The following TIMP2 variants were observed in gnomAD, a reference collection of about 807,000 sequenced individuals.
The protein encoded by TIMP2 is TIMP metallopeptidase inhibitor 2, also known as metalloproteinase inhibitor 2.
TIMP2 carries 5 observed loss-of-function variants against 24.3 expected under a neutral mutation model. The observed-to-expected ratio is 0.21, with a 90% CI of 0.11 to 0.43. The LOEUF (loss-of-function observed/expected upper bound fraction) is 0.43, where lower values mean the gene tolerates loss of function less well. Ranked by LOEUF, TIMP2 falls within the 20% of genes least tolerant of loss-of-function variation. The pLI is 1.00. For synonymous variants in TIMP2, 130 were observed against 123.2 expected, an observed-to-expected ratio of 1.06 and a Z score of -0.37; for missense variants, 221 against 297.5, an observed-to-expected ratio of 0.74 and a Z score of 1.89.
intron 1 of TIMP2, among the ~76,000 whole-genome samples, chr17:78,913,057 T>C (rs980798557): frequency 2.6e-5 from 4 of 151,834 alleles, no homozygotes; most frequent in Non-Finnish European, 4.4e-5. Flanking sequence ...ATACAAAAAT[T>C]AGCCGGGTGT....
Position 78,854,931 on chromosome 17 carries a change from G to T in TIMP2, c.*736C>A, listed in dbSNP as rs1241170690. The T allele has an allele frequency of 3.9e-5, 5 of 129,154 alleles. No individual in the cohort carries two copies. Among genetic ancestry groups the T allele is most frequent in the African/African-American group, 1.1e-4 (4 of 36,274 alleles). 8.0% of individuals were successfully genotyped at this position (129,154 alleles called of 1,614,324 possible). ...TGGGGAGCATGTGGGCGGGGGGGGG[G>T]GGGTGGGGGGGTGGGTGCAGACCAA... On this transcript the variant is annotated 3_prime_UTR_variant, in exon 5 of 5. Coordinates refer to ENST00000262768, the MANE Select transcript of TIMP2 (RefSeq NM_003255.5).
chr17:78,874,137 G>C, intron 1 of TIMP2: 1 of 514,984 alleles, frequency 1.9e-6, no homozygotes, highest in Non-Finnish European at 3.4e-6. Flanking sequence ...CTCCTTCCAC[G>C]ATTCTTCAAC....
At chr17:78,901,876 G>A in intron 1 of TIMP2, 3 of 676,906 alleles carry the variant, frequency 4.4e-6, no homozygotes, top group Non-Finnish European at 8.3e-6. Flanking sequence ...CTGTCTCCAG[G>A]GCTGTCTTGA....
rs891723440 is a variant in TIMP2, at chr17:78,924,428, T to C, written c.130+531A>G. Reference sequence around the variant, plus strand: ...CCCCTCTGGGCCTGTGGAACCTGCCTCGGGTAGGGCGGGCTTCCATCCCAC... The same window carrying C: ...CCCCTCTGGGCCTGTGGAACCTGCCCCGGGTAGGGCGGGCTTCCATCCCAC... On this transcript the variant is annotated intron_variant, in intron 1 of 4. Coordinates refer to ENST00000262768, the MANE Select transcript of TIMP2 (RefSeq NM_003255.5). The surrounding 1 kb of genome is among the most constrained non-coding windows in gnomAD (Gnocchi z 5.3). 2.6e-5 allele frequency among the ~76,000 whole-genome samples: 4 copies of C among 152,168 alleles called. No homozygotes were observed. Among genetic ancestry groups the C allele is most frequent in the Non-Finnish European group, 5.9e-5 (4 of 68,014 alleles).
Position 78,855,766 on chromosome 17 carries a change from G to C in TIMP2, c.564C>G (p.Ala188=), listed in dbSNP as rs987878673. Residue 188 remains alanine, a synonymous_variant, in exon 5 of 5, where the codon GCC becomes GCG. Transcript: ENST00000262768. The surrounding 1 kb of genome is among the most constrained non-coding windows in gnomAD (Gnocchi z 6.0). ...TTCTCTTGATGCAGGCGAAGAACTTGGCCTGGTGCCCGTTGATGTTCTTCT... is the reference window on the plus strand; with the variant it reads ...TTCTCTTGATGCAGGCGAAGAACTTCGCCTGGTGCCCGTTGATGTTCTTCT... The part of the protein sequence containing the change: ...VTEKNINGHQ[A]KFFACIKRSD... 3 of 1,614,090 alleles carry C rather than the reference G, an allele frequency of 1.9e-6. No individual in the cohort carries two copies. In the African/African-American group the frequency reaches 4.0e-5, roughly 22 times the overall value.
At chr17:78,869,664 A>T (rs570481054) in intron 3 of TIMP2, among the ~76,000 whole-genome samples, 1 of 152,038 alleles carries the variant, frequency 6.6e-6, no homozygotes, top group East Asian at 1.9e-4. Flanking sequence ...TACAAAAAAA[A>T]ATTAGCCAGG....
At chr17:78,917,778 G>A (rs2070272216) in intron 1 of TIMP2, among the ~76,000 whole-genome samples, 1 of 152,112 alleles carries the variant, frequency 6.6e-6, no homozygotes, top group Non-Finnish European at 1.5e-5. Context: ...CCCAGAGCTG[G>A]TTACAGGTCT....
intron 1 of TIMP2, among the ~76,000 whole-genome samples, chr17:78,908,429 A>G (rs1025266225): frequency 5.9e-5 from 9 of 152,156 alleles, no homozygotes; most frequent in African/African-American, 2.2e-4. Flanking sequence ...ACTCAAATTA[A>G]GGCAAAATAT....
rs1315325490 is a variant in TIMP2 at position 78,891,551 on chromosome 17, C to T, written c.131-17632G>A. 6.4e-7 allele frequency: 1 copy of T among 1,550,906 alleles called. No homozygotes were observed. Among genetic ancestry groups the T allele is most frequent in the East Asian group, 2.4e-5 (1 of 40,926 alleles). On this transcript the variant is annotated intron_variant, in intron 1 of 4. Transcript: ENST00000262768. The surrounding 1 kb of genome is among the most constrained non-coding windows in gnomAD (Gnocchi z 4.5). Reference sequence around the variant, plus strand: ...TGCTGGGGACACGGCTTCCCTTCTGCAGCTGGAATCAGCTGGCCACAGCTG... The same window carrying T: ...TGCTGGGGACACGGCTTCCCTTCTGTAGCTGGAATCAGCTGGCCACAGCTG...
intron 1 of TIMP2, among the ~76,000 whole-genome samples, chr17:78,909,739 C>T (rs931346377): frequency 2.6e-5 from 4 of 152,112 alleles, no homozygotes; most frequent in African/African-American, 9.7e-5. Context: ...GTCATGCTAC[C>T]GACACTCCAA....
intron 1 of TIMP2, among the ~76,000 whole-genome samples, chr17:78,915,067 T>G (rs533544694): frequency 1.3e-5 from 2 of 151,598 alleles, no homozygotes; most frequent in African/African-American, 4.8e-5. Context: ...CAGCTAATTT[T>G]TGTATTTTTA....
intron 1 of TIMP2, among the ~76,000 whole-genome samples, chr17:78,887,377 A>G (rs1325516479): frequency 1.3e-5 from 2 of 152,094 alleles, no homozygotes; most frequent in African/African-American, 2.4e-5. Context: ...TCTAGGACTC[A>G]TATCTGTAAA....
intron 1 of TIMP2, chr17:78,892,559 G>A: frequency 6.9e-7 from 1 of 1,454,772 alleles, no homozygotes; most frequent in South Asian, 1.5e-5. Flanking sequence ...GTGAGGACAG[G>A]CTGCAAAATG....
At chr17:78,897,651 C>T (rs1434276458) in intron 1 of TIMP2, 1 of 152,346 alleles carries the variant, frequency 6.6e-6, no homozygotes, top group African/African-American at 2.4e-5. Flanking sequence ...CCCGAACAGA[C>T]ACGTGGGACA....
intron 1 of TIMP2, among the ~76,000 whole-genome samples, chr17:78,876,823 A>T (rs2069732232): frequency 6.6e-6 from 1 of 152,082 alleles, no homozygotes; most frequent in African/African-American, 2.4e-5. Flanking sequence ...CACCACACCC[A>T]GCCTGAACAG....
intron 1 of TIMP2, chr17:78,890,452 G>T (rs998984385): frequency 3.2e-6 from 2 of 617,174 alleles, no homozygotes; most frequent in African/African-American, 1.9e-5. Context: ...TCCTGAGGCC[G>T]ACCTCGGCCT....
At chr17:78,895,845 G>T (rs2069990787) in intron 1 of TIMP2, among the ~76,000 whole-genome samples, 1 of 152,184 alleles carries the variant, frequency 6.6e-6, no homozygotes, top group African/African-American at 2.4e-5. Flanking sequence ...AAGGTTCACA[G>T]TCTATTTCTG....
Position 78,924,531 on chromosome 17 carries a change from A to G in TIMP2, c.130+428T>C, listed in dbSNP as rs753699720. On this transcript the variant is annotated intron_variant, in intron 1 of 4. Transcript: ENST00000262768. This position sits in a 1 kb window ranked among gnomAD's most constrained non-coding sequence, Gnocchi z 5.3. The stretch of plus-strand genomic sequence containing the variant: ...GAGAAGCCCTTCCCCACCCAGCCCC[A>G]AGCCCAGAGAAGCCCAACTCCCACC... Among the ~76,000 whole-genome samples the G allele has an allele frequency of 3.3e-5, 5 of 150,944 alleles. No individual in the cohort carries two copies. The highest frequency in any genetic ancestry group is 7.4e-5 in the Non-Finnish European group (5 of 67,730).
intron 2 of TIMP2, among the ~76,000 whole-genome samples, chr17:78,872,860 G>A (rs547446933): frequency 1.3e-4 from 19 of 150,444 alleles, no homozygotes; most frequent in South Asian, 4.2e-4. Flanking sequence ...ATGGAGTTTC[G>A]CTCTTGTCGC....
Sources: gnomAD v4.1 joint callset for allele counts (sites outside exome capture counted in the v4.1 genomes callset) on GRCh38, gnomAD v4.1.1 for gene constraint, Gnocchi (gnomAD v3.1) non-coding constraint, MANE v1.5 for transcripts, NCBI Gene and HGNC (gene_info 2026-07-23, HGNC 2026-07-21) for gene names.